The following CLEC12A variants were observed in gnomAD, a reference collection of about 807,000 sequenced individuals.
The protein encoded by CLEC12A is C-type lectin domain family 12 member A.
Under a neutral mutation model 26.5 loss-of-function variants are expected in CLEC12A, and 22 were observed. The ratio of observed to expected loss-of-function variants is 0.83; its 90% confidence interval spans 0.59 to 1.19. CLEC12A has a LOEUF of 1.19. Among genes scored for constraint, CLEC12A ranks in the 50% most tolerant of loss-of-function variants. CLEC12A has a pLI of 0.00. For missense variants in CLEC12A, 353 were observed against 315.6 expected (o/e 1.12, Z -0.90); for synonymous variants, 119 against 101.9 (o/e 1.17, Z -1.01).
At chr12:9,973,307 A>AT (rs1300640247) in intron 1 of CLEC12A, among the ~76,000 whole-genome samples, 8 of 151,630 alleles carry the variant, frequency 5.3e-5, no homozygotes, top group Middle Eastern at 3.2e-3. Context: ...TAAAAAAAAA[A>AT]TTTTTTTAAT....
intron 1 of CLEC12A, among the ~76,000 whole-genome samples, chr12:9,956,090 A>G (rs1227620670): frequency 6.6e-6 from 1 of 152,240 alleles, no homozygotes; most frequent in Non-Finnish European, 1.5e-5. Context: ...TTGGAGATAT[A>G]GATCTGAGAA....
chr12:9,965,106 A>G (rs1863906929), intron 1 of CLEC12A, among the ~76,000 whole-genome samples: 1 of 152,158 alleles, frequency 6.6e-6, no homozygotes, highest in Non-Finnish European at 1.5e-5. Context: ...AGTTGGGCAT[A>G]GTTTGTGATT....
At chr12:9,967,631 C>T (rs1019776129), upstream of CLEC12A, among the ~76,000 whole-genome samples, 35 of 151,728 alleles carry the variant, frequency 2.3e-4, no homozygotes, top group African/African-American at 8.2e-4. Context: ...GTTCTTGCCC[C>T]CAAGAAGAGC....
At chr12:9,953,623 C>T (rs1315203153) in intron 1 of CLEC12A, among the ~76,000 whole-genome samples, 6 of 150,610 alleles carry the variant, frequency 4.0e-5, no homozygotes, top group East Asian at 2.0e-4. Context: ...CCGCCCCGTC[C>T]GGGAGGTGAG....
the CLEC12A span, among the ~76,000 whole-genome samples, chr12:10,000,799 C>T: frequency 6.6e-6 from 1 of 152,198 alleles, no homozygotes; most frequent in African/African-American, 2.4e-5. Flanking sequence ...TCCTTCCTTT[C>T]TACATCTACT....
intron 1 of CLEC12A, among the ~76,000 whole-genome samples, chr12:9,962,205 GT>G (rs1863841147): frequency 7.0e-6 from 1 of 143,324 alleles, no homozygotes; most frequent in African/African-American, 2.6e-5. Context: ...AAATTGTCCT[GT>G]TATTTTATCT....
At chr12:9,961,040 G>T (rs558764364) in intron 1 of CLEC12A, among the ~76,000 whole-genome samples, 110 of 152,306 alleles carry the variant, frequency 7.2e-4, no homozygotes, top group Middle Eastern at 3.4e-3. Context: ...GTACACATTG[G>T]TTTTGTACAT....
intron 5 of CLEC12A, among the ~76,000 whole-genome samples, chr12:9,984,399 G>A (rs1225821182): frequency 1.3e-5 from 2 of 152,070 alleles, no homozygotes; most frequent in Admixed American, 1.3e-4. Flanking sequence ...TAGAACTTCA[G>A]AGTAAAATCT....
At chr12:10,004,814 G>A in the CLEC12A span, among the ~76,000 whole-genome samples, 4,139 of 151,946 alleles carry the variant, frequency 0.027, 125 homozygotes, top group African/African-American at 0.059. Context: ...TGTGCACAAT[G>A]TGCAGGTTTG....
intron 1 of CLEC12A, among the ~76,000 whole-genome samples, chr12:9,965,186 G>A (rs1048132596): frequency 6.6e-6 from 1 of 152,168 alleles, no homozygotes; most frequent in East Asian, 1.9e-4. Flanking sequence ...GGCTAAAATG[G>A]TAAGGTCAAG....
chr12:9,974,726 A>T (rs1253081648), intron 1 of CLEC12A, among the ~76,000 whole-genome samples: 1 of 152,110 alleles, frequency 6.6e-6, no homozygotes, highest in Non-Finnish European at 1.5e-5. Context: ...ACCATATTGA[A>T]ACTCAGACAC....
intron 1 of CLEC12A, among the ~76,000 whole-genome samples, chr12:9,962,126 C>T (rs991928778): frequency 5.9e-5 from 9 of 152,292 alleles, no homozygotes; most frequent in African/African-American, 2.2e-4. Flanking sequence ...GTAATGGCTT[C>T]CGGCAGTAGC....
intron 1 of CLEC12A, among the ~76,000 whole-genome samples, chr12:9,956,808 A>G (rs1863748805): frequency 6.6e-6 from 1 of 152,172 alleles, no homozygotes; most frequent in Non-Finnish European, 1.5e-5. Flanking sequence ...ACTGCAGTAC[A>G]CCTGTTATTA....
intron 1 of CLEC12A, among the ~76,000 whole-genome samples, chr12:9,973,440 C>A (rs921401365): frequency 3.3e-5 from 5 of 151,918 alleles, no homozygotes; most frequent in Admixed American, 6.6e-5. Flanking sequence ...GGTGACACAG[C>A]AAGATCCTGC....
chr12:9,987,720 A>T (rs1441637958), downstream of CLEC12A, among the ~76,000 whole-genome samples: 1 of 152,056 alleles, frequency 6.6e-6, no homozygotes, highest in African/African-American at 2.4e-5. Context: ...TAAATTTTAT[A>T]ATTCTGTTAA....
In CLEC12A at chr12:9,980,741, C is replaced by T. The variant is rs773319750; in HGVS notation, c.531+8C>T. 50 of 1,612,236 alleles carry T rather than the reference C, an allele frequency of 3.1e-5. No homozygotes were observed. Among genetic ancestry groups the T allele is most frequent in the Middle Eastern group, 1.6e-4 (1 of 6,074 alleles). ...AACAACAAAAATGCATTGGTAAAGC[C>T]CAGGTGTTTCTACCATCATGGGATA... On this transcript the variant is annotated splice_region_variant and intron_variant, in intron 4 of 5. Coordinates refer to ENST00000304361, the MANE Select transcript of CLEC12A (RefSeq NM_138337.6).
chr12:9,982,646 A>C (rs1361245489), intron 5 of CLEC12A, among the ~76,000 whole-genome samples: 1 of 152,162 alleles, frequency 6.6e-6, no homozygotes. Context: ...GGCATTTTAA[A>C]AAGTTTATGG....
intron 1 of CLEC12A, among the ~76,000 whole-genome samples, chr12:9,954,706 G>A (rs1863715007): frequency 6.6e-6 from 1 of 152,214 alleles, no homozygotes; most frequent in African/African-American, 2.4e-5. Context: ...GATGTTACGT[G>A]TTGTTTTTAG....
At chr12:10,000,114 T>C (rs573951895), downstream of CLEC12A, among the ~76,000 whole-genome samples, 1 of 152,348 alleles carries the variant, frequency 6.6e-6, no homozygotes, top group African/African-American at 2.4e-5. Flanking sequence ...CAGATTTTTA[T>C]TTTTGTTAAA....
Sources: gnomAD v4.1 joint callset for allele counts (sites outside exome capture counted in the v4.1 genomes callset) on GRCh38, gnomAD v4.1.1 for gene constraint, MANE v1.5 for transcripts, NCBI Gene and HGNC (gene_info 2026-07-23, HGNC 2026-07-21) for gene names.